The following ANO6 variants were observed in gnomAD, a reference collection of about 807,000 sequenced individuals.
The protein encoded by ANO6 is anoctamin-6.
ANO6 carries 106 observed loss-of-function variants against 117.5 expected under a neutral mutation model. That is an observed-to-expected ratio of 0.90 (90% CI 0.77 to 1.06). The LOEUF (loss-of-function observed/expected upper bound fraction) is 1.06, where lower values mean the gene tolerates loss of function less well. Among genes scored for constraint, ANO6 ranks in the 50% least tolerant of loss-of-function variants. ANO6 has a pLI of 0.00. For missense variants in ANO6, 955 were observed against 1,121.1 expected, an observed-to-expected ratio of 0.85 and a Z score of 2.12; for synonymous variants, 367 against 385.1, an observed-to-expected ratio of 0.95 and a Z score of 0.55.
At chr12:45,228,981 G>A (rs1379770673) in intron 1 of ANO6, among the ~76,000 whole-genome samples, 1 of 152,100 alleles carries the variant, frequency 6.6e-6, no homozygotes, top group East Asian at 1.9e-4. Context: ...ATAGCCACTT[G>A]GGTCTGGAGG....
intron 17 of ANO6, among the ~76,000 whole-genome samples, chr12:45,417,298 A>G (rs1007624886): frequency 4.6e-5 from 7 of 152,196 alleles, no homozygotes; most frequent in Admixed American, 2.6e-4. Flanking sequence ...TCATTCTACC[A>G]TATTTTACTA....
intron 3 of ANO6, among the ~76,000 whole-genome samples, chr12:45,342,355 A>G (rs1423261462): frequency 2.0e-5 from 3 of 152,192 alleles, no homozygotes. Flanking sequence ...TGTGTTTGGT[A>G]TGTTTGACAG....
chr12:45,428,987 T>A, intron 19 of ANO6, 118 bp from the exon 20 acceptor site: 3 of 1,275,860 alleles, frequency 2.4e-6, no homozygotes, highest in Non-Finnish European at 3.3e-6. Flanking sequence ...TGGTTGTGTG[T>A]GTAAAATGTC....
chr12:45,329,865 C>T (rs1940603340), intron 2 of ANO6, among the ~76,000 whole-genome samples: 1 of 152,064 alleles, frequency 6.6e-6, no homozygotes, highest in South Asian at 2.1e-4. Flanking sequence ...ACCTAAAGGA[C>T]TCTGTGGCTG....
intron 8 of ANO6, among the ~76,000 whole-genome samples, chr12:45,365,924 C>T (rs1240750384): frequency 2.6e-5 from 4 of 152,276 alleles, no homozygotes; most frequent in Middle Eastern, 3.4e-3. Context: ...CCAGTGTTCT[C>T]ATTGCTTTTA....
intron 1 of ANO6, among the ~76,000 whole-genome samples, chr12:45,279,571 G>A (rs1938658127): frequency 6.6e-6 from 1 of 152,146 alleles, no homozygotes; most frequent in South Asian, 2.1e-4. Context: ...TGACCTCTGA[G>A]TCCCCATTTC....
chr12:45,440,132 G>A, exon 20 of ANO6: 1 of 469,078 alleles, frequency 2.1e-6, no homozygotes, highest in Non-Finnish European at 3.4e-6. Context: ...TTTTGTTGTT[G>A]CTATTATTAA....
At chr12:45,432,947 C>G (rs1165369423), downstream of ANO6, among the ~76,000 whole-genome samples, 2 of 152,170 alleles carry the variant, frequency 1.3e-5, no homozygotes, top group Non-Finnish European at 1.5e-5. Flanking sequence ...ATAGTCAGCC[C>G]AGAGAGCCAG....
At chr12:45,233,056 T>A (rs1947597740) in intron 1 of ANO6, among the ~76,000 whole-genome samples, 1 of 152,154 alleles carries the variant, frequency 6.6e-6, no homozygotes, top group South Asian at 2.1e-4. Flanking sequence ...CAGCCAGAAA[T>A]GGCTCTCCAG....
At chr12:45,276,391 C>T (rs533409454) in intron 1 of ANO6, among the ~76,000 whole-genome samples, 10 of 152,322 alleles carry the variant, frequency 6.6e-5, no homozygotes, top group African/African-American at 2.4e-4. Flanking sequence ...TCCCCAGCCT[C>T]TCATGTCTTC....
chr12:45,335,903 C>A (rs1940810116), intron 3 of ANO6, among the ~76,000 whole-genome samples: 1 of 151,938 alleles, frequency 6.6e-6, no homozygotes, highest in South Asian at 2.1e-4. Context: ...GTTTCTAATA[C>A]TATTAATTTT....
At chr12:45,284,517 G>A (rs1938844943) in intron 1 of ANO6, among the ~76,000 whole-genome samples, 1 of 152,218 alleles carries the variant, frequency 6.6e-6, no homozygotes, top group Non-Finnish European at 1.5e-5. Context: ...TGCTGCTAAG[G>A]CCTTTATTTT....
intron 2 of ANO6, among the ~76,000 whole-genome samples, chr12:45,315,095 G>A (rs1343124224): frequency 6.6e-6 from 1 of 152,070 alleles, no homozygotes; most frequent in Non-Finnish European, 1.5e-5. Context: ...CAATGCTGTA[G>A]CAGTGCTGTC....
At chr12:45,412,097 T>C (rs1025211856) in intron 16 of ANO6, among the ~76,000 whole-genome samples, 15 of 152,242 alleles carry the variant, frequency 9.9e-5, no homozygotes, top group African/African-American at 3.6e-4. Flanking sequence ...TCCTTTGAGA[T>C]TATTGGAGTA....
At chr12:45,405,002 C>T (rs992231622) in intron 15 of ANO6, among the ~76,000 whole-genome samples, 2 of 152,130 alleles carry the variant, frequency 1.3e-5, no homozygotes, top group Admixed American at 1.3e-4. Context: ...TCTCCATCTT[C>T]AATGGAAACT....
chr12:45,241,772 CCTTT>C (rs892535397), intron 1 of ANO6, among the ~76,000 whole-genome samples: 1 of 152,156 alleles, frequency 6.6e-6, no homozygotes, highest in African/African-American at 2.4e-5. Flanking sequence ...TGATGCTATT[CCTTT>C]CTATTTCTTA....
chr12:45,359,568 T>C (rs1415399104), intron 8 of ANO6, among the ~76,000 whole-genome samples: 7 of 152,270 alleles, frequency 4.6e-5, no homozygotes, highest in Admixed American at 2.6e-4. Context: ...GTGACTGTCT[T>C]CTTTCATTTC....
chr12:45,251,319 G>T (rs1293857521), intron 1 of ANO6, among the ~76,000 whole-genome samples: 2 of 152,200 alleles, frequency 1.3e-5, no homozygotes, highest in Non-Finnish European at 2.9e-5. Flanking sequence ...CTCTGTTACT[G>T]CATGGCAAAC....
intron 9 of ANO6, among the ~76,000 whole-genome samples, chr12:45,377,614 A>T (rs554212270): frequency 6.6e-6 from 1 of 152,306 alleles, no homozygotes; most frequent in East Asian, 1.9e-4. Context: ...TCTGAAACTT[A>T]CCCTCTGACC....
Sources: allele counts gnomAD v4.1 joint callset (sites outside exome capture counted in the v4.1 genomes callset), GRCh38; gene constraint gnomAD v4.1.1; transcripts MANE v1.5; gene names NCBI Gene and HGNC (gene_info 2026-07-23, HGNC 2026-07-21).